PPP1R1C: variants seen among roughly 807,000 people sequenced by gnomAD.
The protein encoded by PPP1R1C is protein phosphatase 1 regulatory subunit 1C.
A neutral mutation model predicts 17.4 loss-of-function variants in PPP1R1C; 15 were observed. The observed-to-expected ratio is 0.86, with a 90% CI of 0.58 to 1.33. The LOEUF (loss-of-function observed/expected upper bound fraction) is 1.33. PPP1R1C is among the 40% of genes most tolerant of loss of function. The pLI is 0.00. For synonymous variants in PPP1R1C, 35 were observed against 43.1 expected (o/e 0.81, Z 0.73); for missense variants, 143 against 130.0 (o/e 1.10, Z -0.48).
chr2:181,971,228 G>C (rs914897617), intron 1 of PPP1R1C, among the ~76,000 whole-genome samples: 2 of 152,126 alleles, frequency 1.3e-5, no homozygotes, highest in Non-Finnish European at 2.9e-5. Context: ...GGCCCACAGC[G>C]AGTACTGCCT....
At chr2:182,008,554 A>T (rs1685998342) in intron 2 of PPP1R1C, among the ~76,000 whole-genome samples, 1 of 152,190 alleles carries the variant, frequency 6.6e-6, no homozygotes, top group Admixed American at 6.5e-5. Context: ...GGCATATAGT[A>T]GGTGAATATA....
At chr2:181,984,114 G>A (rs921710997), upstream of PPP1R1C, among the ~76,000 whole-genome samples, 2 of 152,190 alleles carry the variant, frequency 1.3e-5, no homozygotes, top group Non-Finnish European at 2.9e-5. Context: ...TTGAAAATGT[G>A]TATGTTGAAG....
chr2:182,009,673 G>A (rs556212671), intron 2 of PPP1R1C, among the ~76,000 whole-genome samples: 1 of 151,966 alleles, frequency 6.6e-6, no homozygotes, highest in Non-Finnish European at 1.5e-5. Flanking sequence ...GCCTGTGCTT[G>A]TGAGGTATCA....
downstream of PPP1R1C, chr2:182,131,365 A>G (rs141739082): frequency 5.3e-5 from 8 of 152,310 alleles, no homozygotes; most frequent in Non-Finnish European, 1.2e-4. Context: ...TGGAAATAAA[A>G]AAGAAGGTTT....
chr2:182,075,292 T>C (rs1688259414), intron 4 of PPP1R1C, among the ~76,000 whole-genome samples: 1 of 152,230 alleles, frequency 6.6e-6, no homozygotes, highest in Non-Finnish European at 1.5e-5. Flanking sequence ...GATTCTCCCA[T>C]GCTTTCATCC....
chr2:182,086,351 A>G (rs1688628430), intron 4 of PPP1R1C, among the ~76,000 whole-genome samples: 1 of 152,124 alleles, frequency 6.6e-6, no homozygotes, highest in Non-Finnish European at 1.5e-5. Flanking sequence ...AAGCAAAGCA[A>G]TCTACCAATT....
At chr2:182,023,219 A>G (rs1686484399) in intron 2 of PPP1R1C, among the ~76,000 whole-genome samples, 1 of 152,244 alleles carries the variant, frequency 6.6e-6, no homozygotes, top group South Asian at 2.1e-4. Context: ...CATGACTCTC[A>G]TGATCCCACA....
Position 182,063,729 on chromosome 2 carries a change from A to T in PPP1R1C, c.181-2A>T. ...CTTTTACTTTTTTCTCTTTCTCCAC[A>T]GTTACAGAATGCATCCCCTAAGCAA... On this transcript the variant is annotated splice_acceptor_variant, in intron 3 of 4. Coordinates refer to ENST00000682840, the MANE Select transcript of PPP1R1C (RefSeq NM_001080545.3). LOFTEE classifies it high-confidence loss of function. 1 of 1,611,974 alleles carries T rather than the reference A, an allele frequency of 6.2e-7. No individual in the cohort carries two copies.
chr2:182,025,831 TAA>T (rs1467079955), intron 2 of PPP1R1C, among the ~76,000 whole-genome samples: 2 of 145,030 alleles, frequency 1.4e-5, no homozygotes, highest in East Asian at 4.0e-4. Flanking sequence ...ACCAACGGTG[TAA>T]AAGTGTTCCT....
At position 181,961,700 on chromosome 2, in the gene PPP1R1C, G is replaced by T; in HGVS notation, n.111+7066G>T. 2 of 791,640 alleles carry T rather than the reference G, an allele frequency of 2.5e-6. No homozygotes were observed. The highest frequency in any genetic ancestry group is 4.5e-6 in the Non-Finnish European group (2 of 448,130). The allele number at this position is 791,640 out of a possible 1,614,324, so 49.0% of individuals were successfully genotyped here. A position where few individuals can be genotyped will look rare whatever the true frequency, so the allele number is the denominator to read the frequency against. ...TTGTCCAGCTCCTCTCAGTTCTTTC[G>T]AGTCAGCTCATCATATTGGGCCCGG... On this transcript the variant is annotated intron_variant and non_coding_transcript_variant, in intron 1 of 5. Coordinates refer to the PPP1R1C transcript ENST00000464264. This position sits in a 1 kb window ranked among gnomAD's most constrained non-coding sequence, Gnocchi z 5.8.
intron 2 of PPP1R1C, among the ~76,000 whole-genome samples, chr2:182,009,185 G>GT (rs776628573): frequency 1.1e-4 from 16 of 151,864 alleles, no homozygotes; most frequent in South Asian, 4.1e-4. Context: ...TCTATTTTTA[G>GT]TTTTTTTCAG....
chr2:182,038,042 TTATATATA>T (rs1157374230), intron 2 of PPP1R1C, among the ~76,000 whole-genome samples: 1 of 151,884 alleles, frequency 6.6e-6, no homozygotes, highest in Non-Finnish European at 1.5e-5. Flanking sequence ...GTATTTTATT[TTATATATA>T]TATTTGAGAT....
At chr2:182,019,605 T>A (rs911466934) in intron 2 of PPP1R1C, among the ~76,000 whole-genome samples, 2 of 152,196 alleles carry the variant, frequency 1.3e-5, no homozygotes, top group Non-Finnish European at 2.9e-5. Flanking sequence ...CTCATTCAGT[T>A]TTTACTTATA....
intron 2 of PPP1R1C, among the ~76,000 whole-genome samples, chr2:182,027,270 G>A (rs1487925062): frequency 1.6e-5 from 2 of 127,016 alleles, no homozygotes; most frequent in Non-Finnish European, 3.2e-5. Context: ...GGTGAGAGAG[G>A]GCATCCCTGT....
intron 1 of PPP1R1C, among the ~76,000 whole-genome samples, chr2:181,971,395 C>T (rs1685004611): frequency 6.6e-6 from 1 of 152,148 alleles, no homozygotes; most frequent in Admixed American, 6.5e-5. Context: ...GGACTCAGGA[C>T]TCTGCCTGTG....
Position 181,986,167 on chromosome 2 carries a change from G to C in PPP1R1C, c.57G>C (p.Gln19His). Residue 19 changes from glutamine to histidine, a missense_variant, in exon 1 of 5, where the codon CAG (glutamine) becomes CAC (histidine). Transcript: ENST00000682840. ...IQFAVPVFQS[Q>H]IAPEAAEQIR... Reference sequence around the variant, plus strand: ...TTGCCGTGCCTGTATTCCAGAGTCAGATTGCACCTGAAGCAGCAGAGCAGG... The same window carrying C: ...TTGCCGTGCCTGTATTCCAGAGTCACATTGCACCTGAAGCAGCAGAGCAGG... 2 of 1,613,688 alleles carry C rather than the reference G, an allele frequency of 1.2e-6. No homozygotes were observed. Among genetic ancestry groups the C allele is most frequent in the Non-Finnish European group, 1.7e-6 (2 of 1,179,632 alleles).
intron 5 of PPP1R1C, among the ~76,000 whole-genome samples, chr2:182,123,323 G>A (rs572675667): frequency 2.6e-5 from 4 of 152,286 alleles, no homozygotes; most frequent in Admixed American, 6.5e-5. Context: ...ACGTGTGCGT[G>A]TGTCTTTATA....
intron 1 of PPP1R1C, among the ~76,000 whole-genome samples, chr2:181,959,426 G>T (rs1232107837): frequency 1.3e-5 from 2 of 151,994 alleles, no homozygotes; most frequent in Non-Finnish European, 2.9e-5. Flanking sequence ...AGTAATTAAT[G>T]GTTATGTCTA....
At chr2:182,109,001 C>T (rs1689337847) in intron 4 of PPP1R1C, among the ~76,000 whole-genome samples, 1 of 152,134 alleles carries the variant, frequency 6.6e-6, no homozygotes. Flanking sequence ...GCTAGCATTT[C>T]TCAGTGTTTT....
Sources: gnomAD v4.1 joint callset for allele counts (sites outside exome capture counted in the v4.1 genomes callset) on GRCh38, gnomAD v4.1.1 for gene constraint, Gnocchi (gnomAD v3.1) non-coding constraint, MANE v1.5 for transcripts, NCBI Gene and HGNC (gene_info 2026-07-23, HGNC 2026-07-21) for gene names.